Variants in AHCYL2 observed in about 807,000 individuals in gnomAD.
AHCYL2 encodes the protein S-adenosylhomocysteine hydrolase-like protein 2.
In AHCYL2, 28 loss-of-function variants were observed where a neutral mutation model predicts 81.4. The observed-to-expected ratio is 0.34, with a 90% CI of 0.25 to 0.47. The LOEUF is 0.47. Ranked by LOEUF, AHCYL2 falls within the 20% of genes least tolerant of loss-of-function variation. The probability of loss-of-function intolerance (pLI) is 1.00; values close to 1 mark genes in which losing one functional copy is unlikely to be tolerated. For missense variants in AHCYL2, 551 were observed against 785.1 expected (o/e 0.70, Z 3.56); for synonymous variants, 272 against 290.2 (o/e 0.94, Z 0.64).
At chr7:129,407,320 C>G (rs908723185) in intron 10 of AHCYL2, among the ~76,000 whole-genome samples, 2 of 152,122 alleles carry the variant, frequency 1.3e-5, no homozygotes, top group South Asian at 4.2e-4. Flanking sequence ...CCACTACGCT[C>G]CAGCCTGGGT....
At chr7:129,311,351 A>T (rs1007631562) in intron 1 of AHCYL2, among the ~76,000 whole-genome samples, 3 of 152,156 alleles carry the variant, frequency 2.0e-5, no homozygotes, top group Non-Finnish European at 2.9e-5. Flanking sequence ...TCCTTGAATA[A>T]GTTCATCTCT....
rs571839368 is a variant in AHCYL2 at position 129,413,295 on chromosome 7, C to T, written c.1367-299C>T. On this transcript the variant is annotated intron_variant, in intron 11 of 16. Coordinates refer to ENST00000325006, the MANE Select transcript of AHCYL2 (RefSeq NM_015328.4). ...TAGCTGGGACTAAAGGCACCCGCCA[C>T]CACACCCAGCTAATTTTTTGTATTT... Among the ~76,000 whole-genome samples, 11 of 152,224 alleles carry T rather than the reference C, an allele frequency of 7.2e-5. 1 individual carries two copies. Among genetic ancestry groups the T allele is most frequent in the African/African-American group, 2.6e-4 (11 of 41,536 alleles).
intron 1 of AHCYL2, among the ~76,000 whole-genome samples, chr7:129,288,382 G>A (rs1392558709): frequency 6.6e-6 from 1 of 151,872 alleles, no homozygotes; most frequent in Admixed American, 6.6e-5. Flanking sequence ...TTATTTTATT[G>A]AGACAGAGTC....
intron 12 of AHCYL2, among the ~76,000 whole-genome samples, chr7:129,421,245 C>G (rs1797103963): frequency 8.4e-6 from 1 of 119,302 alleles, no homozygotes; most frequent in Non-Finnish European, 1.8e-5. Flanking sequence ...GAGTGAGACT[C>G]CATCTCAAAA....
chr7:129,298,426 C>A (rs1797129617), intron 1 of AHCYL2, among the ~76,000 whole-genome samples: 1 of 152,180 alleles, frequency 6.6e-6, no homozygotes, highest in South Asian at 2.1e-4. Flanking sequence ...TTTTGCTTCT[C>A]TGCTTTGATT....
In AHCYL2 at chr7:129,422,911, T is replaced by TG; in HGVS notation, c.1535dup (p.Lys513GlnfsTer15). ...AAGTTGACCATGTGATATGGCCTGA[T>TG]GGCAAGAGGATAGTACTGCTGGCAG... On this transcript the variant is annotated frameshift_variant, in exon 13 of 17. Coordinates refer to ENST00000325006, the MANE Select transcript of AHCYL2 (RefSeq NM_015328.4). LOFTEE classifies it high-confidence loss of function. The TG allele has an allele frequency of 6.2e-7, 1 of 1,614,106 alleles. No homozygotes were observed. The highest frequency in any genetic ancestry group is 8.5e-7 in the Non-Finnish European group (1 of 1,180,016).
Position 129,422,866 on chromosome 7 carries a change from C to A in AHCYL2, c.1488C>A (p.Thr496=). The change falls in exon 13 of 17, where the codon ACC becomes ACA. Residue 496 remains threonine (T), a synonymous_variant. Transcript: ENST00000325006. ...DVASLRTPEL[T]WERVRSQVDH... ...CGAGTCTGCGGACACCAGAACTGAC[C>A]TGGGAGCGAGTGAGATCTCAAGTTG... 1 of 1,614,126 alleles carries A rather than the reference C, an allele frequency of 6.2e-7. No homozygotes were observed. Among genetic ancestry groups the A allele is most frequent in the African/African-American group, 1.3e-5 (1 of 75,044 alleles).
chr7:129,370,551 A>G (rs1794347032), intron 1 of AHCYL2, among the ~76,000 whole-genome samples: 1 of 152,024 alleles, frequency 6.6e-6, no homozygotes, highest in African/African-American at 2.4e-5. Flanking sequence ...ACAAAAAATT[A>G]GCCGGGCGTG....
chr7:129,317,851 A>C (rs1252315395), intron 1 of AHCYL2, among the ~76,000 whole-genome samples: 1 of 152,228 alleles, frequency 6.6e-6, no homozygotes, highest in Non-Finnish European at 1.5e-5. Context: ...CAATAGCATA[A>C]TAAATACTAG....
At chr7:129,400,920 A>C (rs1796000377) in intron 6 of AHCYL2, among the ~76,000 whole-genome samples, 1 of 152,240 alleles carries the variant, frequency 6.6e-6, no homozygotes, top group South Asian at 2.1e-4. Context: ...CCACATTAAA[A>C]AAGACGAGAT....
intron 1 of AHCYL2, among the ~76,000 whole-genome samples, chr7:129,279,756 C>T (rs1299023864): frequency 6.6e-6 from 1 of 152,158 alleles, no homozygotes. Flanking sequence ...GAGGCATTTC[C>T]CACAACTAAG....
At chr7:129,301,501 G>T (rs1020139240) in intron 1 of AHCYL2, among the ~76,000 whole-genome samples, 1 of 152,148 alleles carries the variant, frequency 6.6e-6, no homozygotes, top group Non-Finnish European at 1.5e-5. Flanking sequence ...TGAGGTCTTA[G>T]ATTTAAATCT....
chr7:129,382,675 G>T (rs1186432616), intron 2 of AHCYL2, among the ~76,000 whole-genome samples: 1 of 152,058 alleles, frequency 6.6e-6, no homozygotes, highest in African/African-American at 2.4e-5. Flanking sequence ...GGAGGCTGAG[G>T]TCGGCGAATC....
chr7:129,296,447 G>A (rs966790169), intron 1 of AHCYL2, among the ~76,000 whole-genome samples: 22 of 152,170 alleles, frequency 1.4e-4, no homozygotes, highest in African/African-American at 5.1e-4. Context: ...GGTGGCTCAC[G>A]CCTATAATCG....
At chr7:129,352,776 C>T (rs73722963) in intron 1 of AHCYL2, among the ~76,000 whole-genome samples, 1,619 of 152,096 alleles carry the variant, frequency 0.011, 26 homozygotes, top group African/African-American at 0.037. Flanking sequence ...CCCTTCTTGC[C>T]TGTCTCTAAT....
chr7:129,260,605 A>G (rs1371462837), intron 1 of AHCYL2, among the ~76,000 whole-genome samples: 2 of 152,148 alleles, frequency 1.3e-5, no homozygotes, highest in African/African-American at 2.4e-5. Flanking sequence ...GACCTGTTTC[A>G]TATTTCAAAT....
At chr7:129,304,936 T>G (rs919523450) in intron 1 of AHCYL2, among the ~76,000 whole-genome samples, 1 of 129,930 alleles carries the variant, frequency 7.7e-6, no homozygotes, top group Non-Finnish European at 1.5e-5. Context: ...TGTTTTCTGG[T>G]TTTTTTTTTG....
At chr7:129,309,193 C>T (rs1318983113) in intron 1 of AHCYL2, among the ~76,000 whole-genome samples, 1 of 152,108 alleles carries the variant, frequency 6.6e-6, no homozygotes, top group Non-Finnish European at 1.5e-5. Flanking sequence ...GATCATGCCA[C>T]TGCACTCTAG....
rs947487261 is a variant in AHCYL2 at position 129,414,570 on chromosome 7, G to A, written c.1461+882G>A. 3.0e-4 allele frequency among the ~76,000 whole-genome samples: 46 copies of A among 151,938 alleles called. 1 individual carries two copies. The Middle Eastern group carries it at 0.01, about 34-fold the overall frequency. ...AGAGTAGCTGGGACTACAGGTGCTC[G>A]CTACCATGCCTGGCTAATTTTTATG... On this transcript the variant is annotated intron_variant, in intron 12 of 16. Coordinates refer to ENST00000325006, the MANE Select transcript of AHCYL2 (RefSeq NM_015328.4).
Sources: gnomAD v4.1 joint callset for allele counts (sites outside exome capture counted in the v4.1 genomes callset) on GRCh38, gnomAD v4.1.1 for gene constraint, MANE v1.5 for transcripts, NCBI Gene and HGNC (gene_info 2026-07-23, HGNC 2026-07-21) for gene names.